The following BSN variants were observed in gnomAD, a reference collection of about 807,000 sequenced individuals.
BSN encodes protein bassoon.
BSN carries 57 observed loss-of-function variants against 264.8 expected under a neutral mutation model. That is an observed-to-expected ratio of 0.22 (90% CI 0.17 to 0.27). The LOEUF (loss-of-function observed/expected upper bound fraction) is 0.27. BSN is among the 10% of genes least tolerant of loss of function. The pLI is 1.00. For synonymous variants in BSN, 2,059 were observed against 2,137.3 expected, an observed-to-expected ratio of 0.96 and a Z score of 1.01; for missense variants, 4,615 against 5,232.5, an observed-to-expected ratio of 0.88 and a Z score of 3.64.
chr3:49,566,475 C>T (rs969432155), intron 1 of BSN, among the ~76,000 whole-genome samples: 2 of 152,194 alleles, frequency 1.3e-5, no homozygotes, highest in South Asian at 2.1e-4. Flanking sequence ...TCTCCTTGAC[C>T]TACTTTAGTG....
At chr3:49,599,116 G>A (rs144483607) in intron 1 of BSN, among the ~76,000 whole-genome samples, 1 of 152,190 alleles carries the variant, frequency 6.6e-6, no homozygotes, top group East Asian at 1.9e-4. Flanking sequence ...CCCTGGGTCT[G>A]AGTAGCTTTA....
At position 49,642,134 on chromosome 3, in the gene BSN, G is replaced by A; in HGVS notation, c.634-134G>A. On this transcript the variant is annotated intron_variant, in intron 2 of 11. Coordinates refer to ENST00000296452, the MANE Select transcript of BSN (RefSeq NM_003458.4). The surrounding 1 kb of genome is among the most constrained non-coding windows in gnomAD (Gnocchi z 7.0). ...TTCAGCCCTGCCACCTGGCAGCCCA[G>A]AAATGCCTGAGCAGGGCTTGGTGCT... The A allele has an allele frequency of 1.5e-6, 1 of 679,492 alleles. No individual in the cohort carries two copies. The highest frequency in any genetic ancestry group is 2.2e-6 in the Non-Finnish European group (1 of 450,132). The allele number at this position is 679,492 out of a possible 1,614,324, so 42.1% of individuals were successfully genotyped here.
At position 49,663,796 on chromosome 3, in the gene BSN, G is replaced by C. The variant is rs1412294155; in HGVS notation, c.11518G>C (p.Glu3840Gln). The change falls in exon 8 of 12, where the codon GAA becomes CAA. Residue 3840 changes from glutamate to glutamine, a missense_variant. Physicochemically the swap from Glu to Gln is conservative, Grantham distance 29. Around this residue, in one of 3 missense-constraint regions of BSN, gnomAD observed 3,415 missense variants for 3,866.4 expected, o/e 0.88. Coordinates refer to ENST00000296452, the MANE Select transcript of BSN (RefSeq NM_003458.4). Reference sequence around the variant, plus strand: ...AGGTTCTGTGTTGCAGCCACGGGCAGAACAGACAAATGGCTCTAAAGGGAC... The same window carrying C: ...AGGTTCTGTGTTGCAGCCACGGGCACAACAGACAAATGGCTCTAAAGGGAC... ...GPQPAGPPRA[E>Q]QTNGSKGTAK... 1 of 1,614,042 alleles carries C rather than the reference G, an allele frequency of 6.2e-7. No homozygotes were observed. Among genetic ancestry groups the C allele is most frequent in the Non-Finnish European group, 8.5e-7 (1 of 1,180,034 alleles).
intron 1 of BSN, among the ~76,000 whole-genome samples, chr3:49,618,132 T>C (rs1369303678): frequency 6.6e-6 from 1 of 152,190 alleles, no homozygotes; most frequent in African/African-American, 2.4e-5. Flanking sequence ...GAATTGTCTG[T>C]GAACAAGACC....
intron 1 of BSN, among the ~76,000 whole-genome samples, chr3:49,589,931 A>G (rs1258303471): frequency 1.3e-5 from 2 of 148,902 alleles, no homozygotes; most frequent in East Asian, 2.0e-4. Flanking sequence ...TCCGCCTCCC[A>G]GGTTCAAGTG....
At chr3:49,582,772 A>C (rs768573836) in intron 1 of BSN, among the ~76,000 whole-genome samples, 30 of 152,128 alleles carry the variant, frequency 2.0e-4, no homozygotes, top group Non-Finnish European at 4.0e-4. Context: ...GTATTATGTT[A>C]GCTGTGAACT....
At chr3:49,672,854 A>G (rs1233787055), downstream of BSN, among the ~76,000 whole-genome samples, 1 of 137,878 alleles carries the variant, frequency 7.3e-6, no homozygotes, top group Non-Finnish European at 1.5e-5. Context: ...ATCTCGGCTC[A>G]CTGCAAGCTC....
At chr3:49,589,745 G>T (rs529521323) in intron 1 of BSN, among the ~76,000 whole-genome samples, 75 of 151,028 alleles carry the variant, frequency 5.0e-4, no homozygotes, top group African/African-American at 1.8e-3. Flanking sequence ...GAGCTCAGGC[G>T]ATCCAACAGC....
intron 1 of BSN, among the ~76,000 whole-genome samples, chr3:49,612,078 A>C (rs552536852): frequency 2.0e-5 from 3 of 152,356 alleles, no homozygotes; most frequent in Non-Finnish European, 2.9e-5. Context: ...CAGAAAAGAA[A>C]ACTTTACCTT....
chr3:49,626,732 G>A (rs1351297267), intron 2 of BSN, among the ~76,000 whole-genome samples: 1 of 152,224 alleles, frequency 6.6e-6, no homozygotes, highest in East Asian at 1.9e-4. Context: ...GTACCGCTAT[G>A]GGACATCCCC....
chr3:49,656,902 G>T lies in BSN; in HGVS notation c.7346G>T (p.Arg2449Leu), dbSNP rs775673185. Residue 2449 changes from arginine to leucine, a missense_variant, in exon 5 of 12, where the codon CGT (arginine) becomes CTT (leucine). Coordinates refer to ENST00000296452, the MANE Select transcript of BSN (RefSeq NM_003458.4). ...CAGCGGGAACAGCTAGCGCAGCAGCGTCTGCAGCTGGAGCAGATCCAGCAG... is the reference window on the plus strand; with the variant it reads ...CAGCGGGAACAGCTAGCGCAGCAGCTTCTGCAGCTGGAGCAGATCCAGCAG... ...ALQREQLAQQ[R>L]LQLEQIQQLQ... 6.2e-7 allele frequency: 1 copy of T among 1,600,660 alleles called. No individual in the cohort carries two copies. Among genetic ancestry groups the T allele is most frequent in the South Asian group, 1.1e-5 (1 of 89,692 alleles).
chr3:49,603,250 A>T (rs2052085924), intron 1 of BSN, among the ~76,000 whole-genome samples: 1 of 152,150 alleles, frequency 6.6e-6, no homozygotes, highest in Non-Finnish European at 1.5e-5. Flanking sequence ...TGTCACAGGA[A>T]GTGTGCTTGC....
chr3:49,612,368 C>T (rs1259430301), intron 1 of BSN, among the ~76,000 whole-genome samples: 1 of 152,166 alleles, frequency 6.6e-6, no homozygotes, highest in East Asian at 1.9e-4. Flanking sequence ...ATCTCCTGAC[C>T]TTGTGATCTG....
At chr3:49,619,413 C>G (rs2052285873) in intron 1 of BSN, among the ~76,000 whole-genome samples, 1 of 152,188 alleles carries the variant, frequency 6.6e-6, no homozygotes, top group South Asian at 2.1e-4. Flanking sequence ...GCTTTCTACC[C>G]CCTCTACAGC....
chr3:49,614,658 G>T (rs2052245345), intron 1 of BSN, among the ~76,000 whole-genome samples: 1 of 152,190 alleles, frequency 6.6e-6, no homozygotes, highest in South Asian at 2.1e-4. Context: ...ACAAGTCCAT[G>T]GCCTTTGTGC....
chr3:49,651,549 G>A lies in BSN; in HGVS notation c.1993G>A (p.Val665Met), dbSNP rs888706524. The A allele has an allele frequency of 1.9e-6, 3 of 1,559,754 alleles. No individual in the cohort carries two copies. The highest frequency in any genetic ancestry group is 1.7e-6 in the Non-Finnish European group (2 of 1,150,728). ...GCTTTTCACCCTGCTGCAGGACCTGGTGGGCAAGCCTTACTCTCAGGATGC... is the reference window on the plus strand; with the variant it reads ...GCTTTTCACCCTGCTGCAGGACCTGATGGGCAAGCCTTACTCTCAGGATGC... ...APKGGEAEDLVGKPYSQDASR... is the reference protein window; with the variant it reads ...APKGGEAEDLMGKPYSQDASR... The change falls in exon 5 of 12, where the codon GTG (valine) becomes ATG (methionine). Residue 665 changes from valine (V) to methionine (M), a missense_variant. By Grantham distance (21) the Val-to-Met change is conservative. Around this residue, in one of 3 missense-constraint regions of BSN, gnomAD observed 1,197 missense variants for 1,348.0 expected, o/e 0.89. Coordinates refer to ENST00000296452, the MANE Select transcript of BSN (RefSeq NM_003458.4). This position sits in a 1 kb window ranked among gnomAD's most constrained non-coding sequence, Gnocchi z 5.4.
rs774177972 is a variant in BSN, at chr3:49,653,859, C to T, written c.4303C>T (p.Leu1435=). ...AAACTATGGGTCCCAAACTGAGGAT[C>T]TACCCCAGGCCCCCAGTGGCCTTGC... ...TANYGSQTED[L]PQAPSGLAAA... The change falls in exon 5 of 12, where the codon CTA becomes TTA. Residue 1435 remains leucine, a synonymous_variant. Transcript: ENST00000296452. This position sits in a 1 kb window ranked among gnomAD's most constrained non-coding sequence, Gnocchi z 6.3. The T allele has an allele frequency of 2.5e-6, 4 of 1,614,078 alleles. No individual in the cohort carries two copies. The highest frequency in any genetic ancestry group is 3.4e-6 in the Non-Finnish European group (4 of 1,179,976).
Position 49,625,302 on chromosome 3 carries a change from G to A in BSN, c.552G>A (p.Gln184=). The A allele has an allele frequency of 6.2e-7, 1 of 1,600,362 alleles. No homozygotes were observed. Among genetic ancestry groups the A allele is most frequent in the East Asian group, 2.3e-5 (1 of 44,016 alleles). ...KTSDLTSTPS[Q]PNFNTCTQCH... ...CGGACCTCACGTCGACCCCCAGCCA[G>A]CCAAACTTCAACACCTGCACCCAGT... Residue 184 remains glutamine, a synonymous_variant, in exon 2 of 12, where the codon CAG becomes CAA. Transcript: ENST00000296452. This position sits in a 1 kb window ranked among gnomAD's most constrained non-coding sequence, Gnocchi z 4.4.
chr3:49,638,819 T>G lies in BSN; in HGVS notation c.634-3449T>G, dbSNP rs1223916333. ...GGACAGTCACCCCAAAGTTGCAGGA[T>G]AAGAAGCCTTACCTCCTAAATTCCC... On this transcript the variant is annotated intron_variant, in intron 2 of 11. Coordinates refer to ENST00000296452, the MANE Select transcript of BSN (RefSeq NM_003458.4). This position sits in a 1 kb window ranked among gnomAD's most constrained non-coding sequence, Gnocchi z 4.3. Among the ~76,000 whole-genome samples, 1 of 152,160 alleles carries G rather than the reference T, an allele frequency of 6.6e-6. No homozygotes were observed. The highest frequency in any genetic ancestry group is 2.4e-5 in the African/African-American group (1 of 41,442).
Sources: gnomAD v4.1 joint callset for allele counts (sites outside exome capture counted in the v4.1 genomes callset) on GRCh38, gnomAD v4.1.1 for gene constraint, gnomAD v4.1.1 regional missense constraint, Gnocchi (gnomAD v3.1) non-coding constraint, MANE v1.5 for transcripts, NCBI Gene and HGNC (gene_info 2026-07-23, HGNC 2026-07-21) for gene names.